PCDH15: variants seen among roughly 807,000 people sequenced by gnomAD.
PCDH15 encodes the protein protocadherin-15.
PCDH15 carries 129 observed loss-of-function variants against 178.5 expected under a neutral mutation model. That is an observed-to-expected ratio of 0.72 (90% CI 0.63 to 0.84). The LOEUF (loss-of-function observed/expected upper bound fraction) is 0.84. Among genes scored for constraint, PCDH15 ranks in the 40% least tolerant of loss-of-function variants. PCDH15 has a pLI of 0.00. For missense variants in PCDH15, 2,230 were observed against 2,099.9 expected (o/e 1.06, Z -1.21); for synonymous variants, 800 against 732.0 (o/e 1.09, Z -1.50).
chr10:54,824,698 T>G (rs2133744317), intron 3 of PCDH15, among the ~76,000 whole-genome samples: 1 of 152,250 alleles, frequency 6.6e-6, no homozygotes, highest in South Asian at 2.1e-4. Context: ...CTTATTTGTT[T>G]CCATGGAAGA....
chr10:54,904,515 A>G (rs1172250257), intron 2 of PCDH15, among the ~76,000 whole-genome samples: 2 of 152,094 alleles, frequency 1.3e-5, no homozygotes, highest in African/African-American at 2.4e-5. Flanking sequence ...TAATAAGATG[A>G]CAAAATACTT....
In PCDH15 at chr10:55,338,715, C is replaced by T. The variant is rs552864712; in HGVS notation, c.-155-172064G>A. 5.3e-5 allele frequency among the ~76,000 whole-genome samples: 8 copies of T among 152,216 alleles called. No individual in the cohort carries two copies. In the South Asian group the frequency reaches 8.3e-4, roughly 16 times the overall value. ...CCCAGGAGGGAGATGGCAAATGTTGCAGTGAGCCGAGACCATGTCACTGCA... is the reference window on the plus strand; with the variant it reads ...CCCAGGAGGGAGATGGCAAATGTTGTAGTGAGCCGAGACCATGTCACTGCA... On this transcript the variant is annotated intron_variant, in intron 2 of 5. Transcript: ENST00000613346.
rs1841309618 is a variant in PCDH15 at position 55,056,607 on chromosome 10, T to G, written c.-80+109969A>C. Among the ~76,000 whole-genome samples the G allele has an allele frequency of 4.4e-5, 5 of 112,384 alleles. No homozygotes were observed. In the South Asian group the frequency reaches 1.7e-3, roughly 39 times the overall value. 73.7% of individuals were successfully genotyped at this position (112,384 alleles called of 152,430 possible). A position where few individuals can be genotyped will look rare whatever the true frequency, so the allele number is the denominator to read the frequency against. On this transcript the variant is annotated intron_variant, in intron 2 of 5. Transcript: ENST00000458638. Reference sequence around the variant, plus strand: ...ATCACTATTTGATTTATTTTTATTTTGTTTTATTATTATTATTATTATTAT... The same window carrying G: ...ATCACTATTTGATTTATTTTTATTTGGTTTTATTATTATTATTATTATTAT...
intron 9 of PCDH15, among the ~76,000 whole-genome samples, chr10:54,226,256 A>G (rs2053435389): frequency 6.6e-6 from 1 of 152,200 alleles, no homozygotes; most frequent in South Asian, 2.1e-4. Context: ...GCAGGCAAAG[A>G]GAGAGAGAGC....
intron 2 of PCDH15, among the ~76,000 whole-genome samples, chr10:54,649,651 GTGTA>G (rs1565849834): frequency 1.3e-5 from 2 of 152,098 alleles, no homozygotes; most frequent in African/African-American, 4.8e-5. Flanking sequence ...ATACATGTGT[GTGTA>G]TGTGTGTGTG....
At chr10:53,826,019 AAC>A (rs1341971759) in intron 32 of PCDH15, among the ~76,000 whole-genome samples, 6 of 151,682 alleles carry the variant, frequency 4.0e-5, no homozygotes, top group Admixed American at 3.3e-4. Context: ...TTCATATATA[AAC>A]ACACAACTTT....
chr10:55,094,020 G>A (rs1427404164), intron 2 of PCDH15, among the ~76,000 whole-genome samples: 2 of 152,122 alleles, frequency 1.3e-5, no homozygotes, highest in Non-Finnish European at 2.9e-5. Context: ...AATACCATTT[G>A]ACCCAGGGAA....
chr10:54,421,929 C>CTA (rs71007853), intron 3 of PCDH15, among the ~76,000 whole-genome samples: 38,476 of 105,322 alleles, frequency 0.37, 7,908 homozygotes, highest in Middle Eastern at 0.44. Context: ...TATATATACA[C>CTA]TATATATATA....
At chr10:54,415,928 T>G (rs540631805) in intron 3 of PCDH15, among the ~76,000 whole-genome samples, 1 of 152,092 alleles carries the variant, frequency 6.6e-6, no homozygotes, top group Non-Finnish European at 1.5e-5. Context: ...AAAGTGAATT[T>G]AAGGAGGTGA....
chr10:54,616,071 T>G (rs989322960), intron 2 of PCDH15, among the ~76,000 whole-genome samples: 32 of 152,082 alleles, frequency 2.1e-4, no homozygotes, highest in Non-Finnish European at 3.5e-4. Flanking sequence ...TAAATTTTGA[T>G]ATTTTAATGT....
chr10:54,125,682 G>C (rs1206343675), intron 15 of PCDH15, among the ~76,000 whole-genome samples: 1 of 152,048 alleles, frequency 6.6e-6, no homozygotes, highest in Non-Finnish European at 1.5e-5. Flanking sequence ...CTTTGACATA[G>C]GAAAAGTTAC....
At chr10:54,016,383 A>C (rs2610865) in intron 20 of PCDH15, among the ~76,000 whole-genome samples, 115,958 of 151,868 alleles carry the variant, frequency 0.76, 44,542 homozygotes, top group Middle Eastern at 0.86. Flanking sequence ...AGGTATATAC[A>C]CAAAGATAAA....
At chr10:54,125,832 C>T (rs1295048379) in intron 15 of PCDH15, among the ~76,000 whole-genome samples, 1 of 152,112 alleles carries the variant, frequency 6.6e-6, no homozygotes, top group East Asian at 1.9e-4. Context: ...ATATCTTCAG[C>T]ATCCAAAGTG....
chr10:54,761,122 G>T (rs1341622404), intron 1 of PCDH15, among the ~76,000 whole-genome samples: 3 of 151,950 alleles, frequency 2.0e-5, no homozygotes, highest in South Asian at 4.1e-4. Context: ...TACTTTTCAG[G>T]CTGGGTTTCT....
Position 54,747,875 on chromosome 10 carries a change from C to G in PCDH15, c.-29+53050G>C, listed in dbSNP as rs546156737. On this transcript the variant is annotated intron_variant, in intron 1 of 37. Transcript: ENST00000644397. ...AGCTGGAGTGCAGTGGCGTGATCTC[C>G]GCTCACTGCAAGCTCCGCCTCCAGG... Among the ~76,000 whole-genome samples, 144 of 147,396 alleles carry G rather than the reference C, an allele frequency of 9.8e-4. 1 individual carries two copies. Among genetic ancestry groups the G allele is most frequent in the African/African-American group, 3.5e-3 (140 of 39,626 alleles).
Position 53,822,749 on chromosome 10 carries a change from G to A in PCDH15, c.4368-2519C>T, listed in dbSNP as rs1554820407. ...GAGGCCTGGGAAAGCAAAATGAAGAGTCTGAAGAGAGAGATTTCAACTGTT... is the reference window on the plus strand; with the variant it reads ...GAGGCCTGGGAAAGCAAAATGAAGAATCTGAAGAGAGAGATTTCAACTGTT... On this transcript the variant is annotated intron_variant, in intron 32 of 37. Transcript: ENST00000644397. 5.6e-6 allele frequency: 9 copies of A among 1,613,956 alleles called. No individual in the cohort carries two copies. In the South Asian group the frequency reaches 9.9e-5, roughly 18 times the overall value.
chr10:54,856,902 C>G (rs1366230528), intron 3 of PCDH15, among the ~76,000 whole-genome samples: 1 of 152,072 alleles, frequency 6.6e-6, no homozygotes, highest in Non-Finnish European at 1.5e-5. Flanking sequence ...AGATCCTGGA[C>G]CTTATTCTAA....
chr10:54,674,891 C>A (rs2094753797), intron 1 of PCDH15, among the ~76,000 whole-genome samples: 1 of 151,948 alleles, frequency 6.6e-6, no homozygotes, highest in Non-Finnish European at 1.5e-5. Context: ...TAAGATATTA[C>A]AATTAGTTGG....
chr10:54,307,698 C>T (rs1236148835), intron 8 of PCDH15, among the ~76,000 whole-genome samples: 2 of 151,796 alleles, frequency 1.3e-5, no homozygotes, highest in Non-Finnish European at 2.9e-5. Flanking sequence ...AAAGATACCT[C>T]GACTGTTCTT....
Sources: allele counts gnomAD v4.1 joint callset (sites outside exome capture counted in the v4.1 genomes callset), GRCh38; gene constraint gnomAD v4.1.1; transcripts MANE v1.5; gene names NCBI Gene and HGNC (gene_info 2026-07-23, HGNC 2026-07-21).